The following SIX1 variants were observed in gnomAD, a reference collection of about 807,000 sequenced individuals.
The protein encoded by SIX1 is SIX homeobox 1.
A neutral mutation model predicts 26.5 loss-of-function variants in SIX1; 11 were observed. That is an observed-to-expected ratio of 0.41 (90% CI 0.26 to 0.69). The LOEUF is 0.69. Among genes scored for constraint, SIX1 ranks in the 30% least tolerant of loss-of-function variants. The pLI, the probability that SIX1 is intolerant of heterozygous loss-of-function variation, is 0.28. For synonymous variants in SIX1, 177 were observed against 166.2 expected (o/e 1.06, Z -0.50); for missense variants, 333 against 365.9 (o/e 0.91, Z 0.73).
rs761187922 is a variant in SIX1 at position 60,648,644 on chromosome 14, C to T, written c.546G>A (p.Ala182=). ...ACGCCGCGTACCTTTCCTTGGCCTC[C>T]GCGGCCCGGTCTCTTTGCCTCCGGT... ...FKNRRQRDRA[A]EAKERENTEN... Residue 182 remains alanine (A), a synonymous_variant, in exon 1 of 2, where the codon GCG becomes GCA. Coordinates refer to ENST00000645694, the MANE Select transcript of SIX1 (RefSeq NM_005982.4). This position sits in a 1 kb window ranked among gnomAD's most constrained non-coding sequence, Gnocchi z 7.9. The T allele has an allele frequency of 3.7e-6, 6 of 1,613,316 alleles. No homozygotes were observed. The highest frequency in any genetic ancestry group is 1.3e-5 in the African/African-American group (1 of 74,900).
rs200511291 is a variant in SIX1 at position 60,648,605 on chromosome 14, G to A, written c.560+25C>T. The A allele has an allele frequency of 5.6e-6, 9 of 1,594,680 alleles. No individual in the cohort carries two copies. In the Admixed American group the frequency reaches 8.8e-5, roughly 16 times the overall value. ...AAAGGACGGCTTCCTAGGGTCGCCC[G>A]AGTCGCGGGAAGCACGCCGCGTACC... On this transcript the variant is annotated intron_variant, in intron 1 of 1. Coordinates refer to ENST00000645694, the MANE Select transcript of SIX1 (RefSeq NM_005982.4). The surrounding 1 kb of genome is among the most constrained non-coding windows in gnomAD (Gnocchi z 7.9).
At position 60,649,173 on chromosome 14, in the gene SIX1, G is replaced by A; in HGVS notation, c.17C>T (p.Ser6Leu). Residue 6 changes from serine (S) to leucine (L), a missense_variant, in exon 1 of 2, where the codon TCG (serine) becomes TTG (leucine). Transcript: ENST00000645694. The surrounding 1 kb of genome is among the most constrained non-coding windows in gnomAD (Gnocchi z 5.1). MSMLP[S>L]FGFTQEQVAC... Reference sequence around the variant, plus strand: ...CACTTGCTCCTGCGTAAAGCCAAACGACGGCAGCATCGACATGGCTGGGGC... The same window carrying A: ...CACTTGCTCCTGCGTAAAGCCAAACAACGGCAGCATCGACATGGCTGGGGC... 1.2e-6 allele frequency: 2 copies of A among 1,609,484 alleles called. No homozygotes were observed. Among genetic ancestry groups the A allele is most frequent in the East Asian group, 2.2e-5 (1 of 44,850 alleles).
Position 60,648,899 on chromosome 14 carries a change from C to T in SIX1, c.291G>A (p.Lys97=), listed in dbSNP as rs762246254. 8.7e-6 allele frequency: 14 copies of T among 1,614,130 alleles called. No homozygotes were observed. Among genetic ancestry groups the T allele is most frequent in the Admixed American group, 6.7e-5 (4 of 60,018 alleles). The part of the protein sequence containing the change: ...WLKAHYVEAE[K]LRGRPLGAVG... ...CGGCGCCCAGGGGTCGGCCGCGCAG[C>T]TTCTCGGCCTCCACGTAATGCGCCT... The change falls in exon 1 of 2, where the codon AAG becomes AAA. Residue 97 remains lysine, a synonymous_variant. Coordinates refer to ENST00000645694, the MANE Select transcript of SIX1 (RefSeq NM_005982.4). The surrounding 1 kb of genome is among the most constrained non-coding windows in gnomAD (Gnocchi z 7.9).
In SIX1 at chr14:60,648,167, C is replaced by T. The variant is rs1894983162; in HGVS notation, c.560+463G>A. Among the ~76,000 whole-genome samples, 1 of 152,274 alleles carries T rather than the reference C, an allele frequency of 6.6e-6. No individual in the cohort carries two copies. The highest frequency in any genetic ancestry group is 1.5e-5 in the Non-Finnish European group (1 of 68,018). ...CAAGAGAGAGCTGTGGAGAACCAGGCGGGAGTGGGGGCAGAGCCAATGTCT... is the reference window on the plus strand; with the variant it reads ...CAAGAGAGAGCTGTGGAGAACCAGGTGGGAGTGGGGGCAGAGCCAATGTCT... On this transcript the variant is annotated intron_variant, in intron 1 of 1. Coordinates refer to ENST00000645694, the MANE Select transcript of SIX1 (RefSeq NM_005982.4). The surrounding 1 kb of genome is among the most constrained non-coding windows in gnomAD (Gnocchi z 7.9).
rs1472044221 is a variant in SIX1, at chr14:60,649,272, G to C, written c.-83C>G. 9.3e-6 allele frequency: 12 copies of C among 1,292,896 alleles called. No individual in the cohort carries two copies. In the Admixed American group the frequency reaches 1.7e-4, roughly 18 times the overall value. The allele number at this position is 1,292,896 out of a possible 1,614,324, so 80.1% of individuals were successfully genotyped here. On this transcript the variant is annotated 5_prime_UTR_variant, in exon 1 of 2. Transcript: ENST00000645694. The surrounding 1 kb of genome is among the most constrained non-coding windows in gnomAD (Gnocchi z 5.1). ...AGGCAGGGGGCGGCGGCCGCAGGGA[G>C]GGGGGCGCGGCTGTTCCTAACCTCC...
At position 60,648,772 on chromosome 14, in the gene SIX1, G is replaced by A; in HGVS notation, c.418C>T (p.Arg140Trp). 1 of 1,614,110 alleles carries A rather than the reference G, an allele frequency of 6.2e-7. No individual in the cohort carries two copies. The highest frequency in any genetic ancestry group is 8.5e-7 in the Non-Finnish European group (1 of 1,179,974). The change falls in exon 1 of 2, where the codon CGG (arginine) becomes TGG (tryptophan). Residue 140 changes from arginine (R) to tryptophan (W), a missense_variant. By Grantham distance (101) the Arg-to-Trp change is moderately radical. Around this residue, in one of 3 missense-constraint regions of SIX1, gnomAD observed 199 missense variants for 215.2 expected, o/e 0.92. Transcript: ENST00000645694. The surrounding 1 kb of genome is among the most constrained non-coding windows in gnomAD (Gnocchi z 7.9). ...CFKEKSRGVL[R>W]EWYAHNPYPS... ...TAGGGATTGTGCGCGTACCACTCCC[G>A]CAGGACACCCCTCGACTTCTCCTTG...
In SIX1 at chr14:60,648,606, A is replaced by G; in HGVS notation, c.560+24T>C. The G allele has an allele frequency of 6.3e-7, 1 of 1,596,344 alleles. No individual in the cohort carries two copies. Among genetic ancestry groups the G allele is most frequent in the East Asian group, 2.3e-5 (1 of 43,892 alleles). ...AAGGACGGCTTCCTAGGGTCGCCCG[A>G]GTCGCGGGAAGCACGCCGCGTACCT... On this transcript the variant is annotated intron_variant, in intron 1 of 1. Transcript: ENST00000645694. This position sits in a 1 kb window ranked among gnomAD's most constrained non-coding sequence, Gnocchi z 7.9.
Position 60,643,800 on chromosome 14 carries a change from T to C in SIX1, c.*2483A>G, listed in dbSNP as rs1376703763. The C allele has an allele frequency of 6.6e-6, 1 of 152,174 alleles. No individual in the cohort carries two copies. The highest frequency in any genetic ancestry group is 1.5e-5 in the Non-Finnish European group (1 of 68,020). The allele number at this position is 152,174 out of a possible 1,614,324, so 9.4% of individuals were successfully genotyped here. A position where few individuals can be genotyped will look rare whatever the true frequency, so the allele number is the denominator to read the frequency against. ...AATTTCTTATTAAACACATCTGGAA[T>C]ATGCGCGCTCTGGATTTAGTGCCAG... On this transcript the variant is annotated 3_prime_UTR_variant, in exon 2 of 2. Transcript: ENST00000645694.
In SIX1 at chr14:60,649,175, C is replaced by T. The variant is rs1300845503; in HGVS notation, c.15G>A (p.Pro5=). Residue 5 remains proline, a synonymous_variant, in exon 1 of 2, where the codon CCG becomes CCA. Transcript: ENST00000645694. The surrounding 1 kb of genome is among the most constrained non-coding windows in gnomAD (Gnocchi z 5.1). MSML[P]SFGFTQEQVA... ...CTTGCTCCTGCGTAAAGCCAAACGA[C>T]GGCAGCATCGACATGGCTGGGGCCT... is the stretch of plus-strand genomic sequence containing the variant. 3 of 1,609,156 alleles carry T rather than the reference C, an allele frequency of 1.9e-6. No individual in the cohort carries two copies. The highest frequency in any genetic ancestry group is 2.5e-6 in the Non-Finnish European group (3 of 1,179,892).
rs1422397421 is a variant in SIX1, at chr14:60,649,243, CGA to C, written c.-56_-55del. The stretch of plus-strand genomic sequence containing the variant: ...AGGCGCACGCGGCAGGGAGCAGAGC[CGA>C]GAGGCAGGGGGCGGCGGCCGCAGGG... On this transcript the variant is annotated 5_prime_UTR_variant, in exon 1 of 2. Transcript: ENST00000645694. The surrounding 1 kb of genome is among the most constrained non-coding windows in gnomAD (Gnocchi z 5.1). 1.3e-6 allele frequency: 2 copies of C among 1,550,566 alleles called. No homozygotes were observed. Among genetic ancestry groups the C allele is most frequent in the Non-Finnish European group, 1.7e-6 (2 of 1,145,430 alleles).
In SIX1 at chr14:60,648,612, G is replaced by C; in HGVS notation, c.560+18C>G. The C allele has an allele frequency of 1.9e-6, 3 of 1,601,820 alleles. No homozygotes were observed. The highest frequency in any genetic ancestry group is 1.1e-5 in the South Asian group (1 of 89,688). On this transcript the variant is annotated intron_variant, in intron 1 of 1. Coordinates refer to ENST00000645694, the MANE Select transcript of SIX1 (RefSeq NM_005982.4). This position sits in a 1 kb window ranked among gnomAD's most constrained non-coding sequence, Gnocchi z 7.9. ...GGCTTCCTAGGGTCGCCCGAGTCGCGGGAAGCACGCCGCGTACCTTTCCTT... is the reference window on the plus strand; with the variant it reads ...GGCTTCCTAGGGTCGCCCGAGTCGCCGGAAGCACGCCGCGTACCTTTCCTT...
In SIX1 at chr14:60,648,355, T is replaced by C. The variant is rs1383798627; in HGVS notation, c.560+275A>G. Reference sequence around the variant, plus strand: ...ATAGCCGCGGCCAGCCAGGGAGGCATAAAGACCAAATCTAGCGCCAATATT... The same window carrying C: ...ATAGCCGCGGCCAGCCAGGGAGGCACAAAGACCAAATCTAGCGCCAATATT... On this transcript the variant is annotated intron_variant, in intron 1 of 1. Coordinates refer to ENST00000645694, the MANE Select transcript of SIX1 (RefSeq NM_005982.4). The surrounding 1 kb of genome is among the most constrained non-coding windows in gnomAD (Gnocchi z 7.9). Among the ~76,000 whole-genome samples the C allele has an allele frequency of 6.6e-6, 1 of 152,122 alleles. No homozygotes were observed. Among genetic ancestry groups the C allele is most frequent in the Non-Finnish European group, 1.5e-5 (1 of 68,024 alleles).
Position 60,649,407 on chromosome 14 carries a change from C to G in SIX1, c.-218G>C. The stretch of plus-strand genomic sequence containing the variant: ...TTCTGGACACGGAACGGCCGGCGCA[C>G]TCAGTAGCCTTTAAGGCCTTGCTGC... On this transcript the variant is annotated 5_prime_UTR_variant, in exon 1 of 2. Coordinates refer to ENST00000645694, the MANE Select transcript of SIX1 (RefSeq NM_005982.4). This position sits in a 1 kb window ranked among gnomAD's most constrained non-coding sequence, Gnocchi z 5.1. 2 of 569,598 alleles carry G rather than the reference C, an allele frequency of 3.5e-6. No homozygotes were observed. The highest frequency in any genetic ancestry group is 2.9e-5 in the East Asian group (1 of 34,030). The allele number at this position is 569,598 out of a possible 1,614,324, so 35.3% of individuals were successfully genotyped here.
rs34899649 is a variant in SIX1 at position 60,646,607 on chromosome 14, TAAAAAA to T, written c.561-36_561-31del. On this transcript the variant is annotated intron_variant, in intron 1 of 1. Transcript: ENST00000645694. ...GAAATAGAGGACAACACCATATGGTTAAAAAAAAAAAAAAAAAAAAAAAGTAGGTTA... is the reference window on the plus strand; with the variant it reads ...GAAATAGAGGACAACACCATATGGTTAAAAAAAAAAAAAAAAAGTAGGTTA... The T allele has an allele frequency of 1.5e-3, 1,220 of 828,956 alleles. 1 individual carries two copies. The highest frequency in any genetic ancestry group is 3.6e-3 in the South Asian group (184 of 50,752). 51.4% of individuals were successfully genotyped at this position (828,956 alleles called of 1,614,324 possible). A position where few individuals can be genotyped will look rare whatever the true frequency, so the allele number is the denominator to read the frequency against.
Position 60,644,934 on chromosome 14 carries a change from T to G in SIX1, c.*1349A>C, listed in dbSNP as rs952808390. ...TTCTATCCTTGTTCTCCTTCCCTTTTTTGTCTTCAAGCAGATAAATTATTT... is the reference window on the plus strand; with the variant it reads ...TTCTATCCTTGTTCTCCTTCCCTTTGTTGTCTTCAAGCAGATAAATTATTT... On this transcript the variant is annotated 3_prime_UTR_variant, in exon 2 of 2. Coordinates refer to ENST00000645694, the MANE Select transcript of SIX1 (RefSeq NM_005982.4). The G allele has an allele frequency of 1.3e-5, 2 of 152,236 alleles. No individual in the cohort carries two copies. Among genetic ancestry groups the G allele is most frequent in the African/African-American group, 4.8e-5 (2 of 41,462 alleles). 9.4% of individuals were successfully genotyped at this position (152,236 alleles called of 1,614,324 possible).
rs780378618 is a variant in SIX1, at chr14:60,645,087, C to G, written c.*1196G>C. The G allele has an allele frequency of 2.0e-5, 3 of 152,070 alleles. No homozygotes were observed. Among genetic ancestry groups the G allele is most frequent in the Non-Finnish European group, 4.4e-5 (3 of 68,000 alleles). 9.4% of individuals were successfully genotyped at this position (152,070 alleles called of 1,614,324 possible). A position where few individuals can be genotyped will look rare whatever the true frequency, so the allele number is the denominator to read the frequency against. On this transcript the variant is annotated 3_prime_UTR_variant, in exon 2 of 2. Coordinates refer to ENST00000645694, the MANE Select transcript of SIX1 (RefSeq NM_005982.4). This position sits in a 1 kb window ranked among gnomAD's most constrained non-coding sequence, Gnocchi z 4.6. Reference sequence around the variant, plus strand: ...ATAGAAGTTAATAAATACCCCAAGGCTAAATTCACTCTTTCTGTCATATAA... The same window carrying G: ...ATAGAAGTTAATAAATACCCCAAGGGTAAATTCACTCTTTCTGTCATATAA...
Position 60,648,692 on chromosome 14 carries a change from G to C in SIX1, c.498C>G (p.Thr166=). 1 of 1,614,128 alleles carries C rather than the reference G, an allele frequency of 6.2e-7. No homozygotes were observed. The highest frequency in any genetic ancestry group is 1.1e-5 in the South Asian group (1 of 91,080). The change falls in exon 1 of 2, where the codon ACC becomes ACG. Residue 166 remains threonine, a synonymous_variant. Transcript: ENST00000645694. This position sits in a 1 kb window ranked among gnomAD's most constrained non-coding sequence, Gnocchi z 7.9. The part of the protein sequence containing the change: ...ELAEATGLTT[T]QVSNWFKNRR... ...GGTTCTTAAACCAGTTGCTGACCTG[G>C]GTGGTGGTGAGGCCGGTGGCCTCGG...
Position 60,648,732 on chromosome 14 carries a change from T to C in SIX1, c.458A>G (p.Glu153Gly). Reference protein sequence around the residue: ...YAHNPYPSPREKRELAEATGL... With the variant: ...YAHNPYPSPRGKRELAEATGL... ...GGTGGCCTCGGCCAGCTCCCGCTTCTCACGCGGCGATGGGTAGGGATTGTG... is the reference window on the plus strand; with the variant it reads ...GGTGGCCTCGGCCAGCTCCCGCTTCCCACGCGGCGATGGGTAGGGATTGTG... Residue 153 changes from glutamate (E) to glycine (G), a missense_variant, in exon 1 of 2, where the codon GAG (glutamate) becomes GGG (glycine). Transcript: ENST00000645694. This position sits in a 1 kb window ranked among gnomAD's most constrained non-coding sequence, Gnocchi z 7.9. 2 of 1,613,596 alleles carry C rather than the reference T, an allele frequency of 1.2e-6. No individual in the cohort carries two copies. Among genetic ancestry groups the C allele is most frequent in the Non-Finnish European group, 1.7e-6 (2 of 1,179,556 alleles).
rs1894979396 is a variant in SIX1, at chr14:60,647,941, C to G, written c.560+689G>C. On this transcript the variant is annotated intron_variant, in intron 1 of 1. Coordinates refer to ENST00000645694, the MANE Select transcript of SIX1 (RefSeq NM_005982.4). The surrounding 1 kb of genome is among the most constrained non-coding windows in gnomAD (Gnocchi z 5.1). ...TCCTCGTCTGGGCATGCGGCGCGGT[C>G]AGCCAGACCGACGGGCTGCAGTGCC... Among the ~76,000 whole-genome samples, 1 of 152,258 alleles carries G rather than the reference C, an allele frequency of 6.6e-6. No individual in the cohort carries two copies. Among genetic ancestry groups the G allele is most frequent in the South Asian group, 2.1e-4 (1 of 4,834 alleles).
Sources: allele counts gnomAD v4.1 joint callset (sites outside exome capture counted in the v4.1 genomes callset), GRCh38; gene constraint gnomAD v4.1.1; regional missense constraint gnomAD v4.1.1; non-coding constraint Gnocchi (gnomAD v3.1); transcripts MANE v1.5; gene names NCBI Gene and HGNC (gene_info 2026-07-23, HGNC 2026-07-21).